The following LUC7L2 variants were observed in gnomAD, a reference collection of about 807,000 sequenced individuals.
The protein encoded by LUC7L2 is LUC7 like 2, pre-mRNA splicing factor.
In LUC7L2, 25 loss-of-function variants were observed where a neutral mutation model predicts 52.8. The observed-to-expected ratio is 0.47, with a 90% CI of 0.34 to 0.66. LUC7L2 has a LOEUF of 0.66. Among genes scored for constraint, LUC7L2 ranks in the 30% least tolerant of loss-of-function variants. LUC7L2 has a pLI of 0.01. For synonymous variants in LUC7L2, 144 were observed against 160.9 expected, an observed-to-expected ratio of 0.89 and a Z score of 0.80; for missense variants, 328 against 497.8, an observed-to-expected ratio of 0.66 and a Z score of 3.25.
At chr7:139,398,532 G>A (rs1300834505) in intron 2 of LUC7L2, 67 bp from the exon 3 acceptor site, 1 of 1,285,752 alleles carries the variant, frequency 7.8e-7, no homozygotes, top group Non-Finnish European at 1.1e-6. Flanking sequence ...GACAAGAACT[G>A]TGGTTGTTGA....
At chr7:139,377,448 C>T (rs944299790) in intron 2 of LUC7L2, among the ~76,000 whole-genome samples, 14 of 152,000 alleles carry the variant, frequency 9.2e-5, no homozygotes, top group Non-Finnish European at 1.3e-4. Context: ...AGCTGGAGTG[C>T]GGTGGCATGA....
chr7:139,421,480 T>C (rs975459159), intron 9 of LUC7L2, among the ~76,000 whole-genome samples: 2 of 152,256 alleles, frequency 1.3e-5, no homozygotes, highest in African/African-American at 4.8e-5. Flanking sequence ...ATGGAGAAGG[T>C]AGTAAACAGT....
intron 2 of LUC7L2, among the ~76,000 whole-genome samples, chr7:139,393,645 C>T (rs1794540788): frequency 6.6e-6 from 1 of 152,026 alleles, no homozygotes; most frequent in Admixed American, 6.6e-5. Context: ...TGGGGTTTCA[C>T]CGTGTTGCCC....
Position 139,375,948 on chromosome 7 carries a change from C to G in LUC7L2, c.62-114C>G, listed in dbSNP as rs529337817. 57 of 1,055,268 alleles carry G rather than the reference C, an allele frequency of 5.4e-5. No individual in the cohort carries two copies. In the South Asian group the frequency reaches 8.4e-4, roughly 16 times the overall value. 65.4% of individuals were successfully genotyped at this position (1,055,268 alleles called of 1,614,324 possible). ...TATATAAAAACTAATCCCTCTTGAGCTGATTTATAATGTGTGTATATAGCC... is the reference window on the plus strand; with the variant it reads ...TATATAAAAACTAATCCCTCTTGAGGTGATTTATAATGTGTGTATATAGCC... On this transcript the variant is annotated intron_variant, in intron 1 of 9. Transcript: ENST00000354926.
At chr7:139,397,361 A>G (rs1309344395) in intron 2 of LUC7L2, among the ~76,000 whole-genome samples, 2 of 152,166 alleles carry the variant, frequency 1.3e-5, no homozygotes, top group African/African-American at 2.4e-5. Context: ...GAACATTGCT[A>G]TTTTATTACA....
chr7:139,377,927 C>T (rs1723673217), intron 2 of LUC7L2, among the ~76,000 whole-genome samples: 1 of 150,660 alleles, frequency 6.6e-6, no homozygotes. Flanking sequence ...AAGAGTTTCT[C>T]CCACCTCAAC....
rs4028268 is a variant in LUC7L2 at position 139,386,404 on chromosome 7, A to ATTT, written c.156+10264_156+10266dup. Among the ~76,000 whole-genome samples, 434 of 131,510 alleles carry ATTT rather than the reference A, an allele frequency of 3.3e-3. 17 individuals are homozygous for ATTT. Among genetic ancestry groups the ATTT allele is most frequent in the Middle Eastern group, 0.025 (6 of 244 alleles). 86.3% of individuals were successfully genotyped at this position (131,510 alleles called of 152,430 possible). ...GAAATATTTTTCTCTGTCACTGGAA[A>ATTT]TTTTTTTTTTTTTTTTTTGAGATGG... On this transcript the variant is annotated intron_variant, in intron 2 of 9. Coordinates refer to ENST00000354926, the MANE Select transcript of LUC7L2 (RefSeq NM_016019.5).
intron 1 of LUC7L2, among the ~76,000 whole-genome samples, chr7:139,362,367 CT>C (rs1799931906): frequency 6.6e-6 from 1 of 151,924 alleles, no homozygotes; most frequent in South Asian, 2.1e-4. Flanking sequence ...TGATTCAGGA[CT>C]TTTAATAATT....
At chr7:139,376,193 A>G (rs1383835981) in intron 2 of LUC7L2, 37 bp downstream of exon 2, 2 of 1,581,940 alleles carry the variant, frequency 1.3e-6, no homozygotes, top group Admixed American at 1.7e-5. Context: ...GATTACTGAT[A>G]TGCTGCAGTA....
chr7:139,368,903 G>A (rs1191263186), intron 1 of LUC7L2, among the ~76,000 whole-genome samples: 1 of 151,962 alleles, frequency 6.6e-6, no homozygotes, highest in South Asian at 2.1e-4. Flanking sequence ...TAAGGCTCAC[G>A]TCTCCTTCAT....
chr7:139,366,855 C>T (rs1338931228), intron 1 of LUC7L2, among the ~76,000 whole-genome samples: 1 of 152,166 alleles, frequency 6.6e-6, no homozygotes, highest in Non-Finnish European at 1.5e-5. Flanking sequence ...ATATGGGCCC[C>T]AGCAATCCAT....
intron 8 of LUC7L2, 119 bp downstream of exon 8, chr7:139,412,699 A>T: frequency 8.3e-7 from 1 of 1,198,532 alleles, no homozygotes. Flanking sequence ...ACGGTGATGC[A>T]TGCTTGTAAT....
chr7:139,347,395 C>T (rs1299268569), intron 1 of LUC7L2, among the ~76,000 whole-genome samples: 2 of 152,120 alleles, frequency 1.3e-5, no homozygotes, highest in Admixed American at 1.3e-4. Context: ...CCAGACCAGC[C>T]TGACCAACAT....
intron 2 of LUC7L2, among the ~76,000 whole-genome samples, chr7:139,389,050 GA>G (rs1190732487): frequency 2.5e-5 from 3 of 118,106 alleles, no homozygotes; most frequent in Admixed American, 2.3e-4. Context: ...TTTTTTAAAT[GA>G]TTTTTTTTTT....
chr7:139,369,431 C>A (rs1363899594), intron 1 of LUC7L2, among the ~76,000 whole-genome samples: 1 of 152,080 alleles, frequency 6.6e-6, no homozygotes, highest in African/African-American at 2.4e-5. Flanking sequence ...ACATACCCCC[C>A]AAAACATGAT....
chr7:139,403,261 GT>G (rs1394127595), intron 4 of LUC7L2, among the ~76,000 whole-genome samples: 1 of 152,112 alleles, frequency 6.6e-6, no homozygotes, highest in Non-Finnish European at 1.5e-5. Flanking sequence ...TCCAGTGTAT[GT>G]TTATTTTTCT....
chr7:139,407,722 T>A (rs1335726116), intron 6 of LUC7L2, among the ~76,000 whole-genome samples: 1 of 152,208 alleles, frequency 6.6e-6, no homozygotes, highest in African/African-American at 2.4e-5. Flanking sequence ...AATATTAATT[T>A]GAAATATTTT....
rs4028268 is a variant in LUC7L2 at position 139,386,404 on chromosome 7, A to ATT, written c.156+10265_156+10266dup. Among the ~76,000 whole-genome samples the ATT allele has an allele frequency of 1.3e-4, 17 of 131,502 alleles. 2 individuals carry two copies. Among genetic ancestry groups the ATT allele is most frequent in the Middle Eastern group, 8.2e-3 (2 of 244 alleles). The allele number at this position is 131,502 out of a possible 152,430, so 86.3% of individuals were successfully genotyped here. On this transcript the variant is annotated intron_variant, in intron 2 of 9. Transcript: ENST00000354926. The stretch of plus-strand genomic sequence containing the variant: ...GAAATATTTTTCTCTGTCACTGGAA[A>ATT]TTTTTTTTTTTTTTTTTTGAGATGG...
intron 1 of LUC7L2, among the ~76,000 whole-genome samples, chr7:139,367,033 G>T (rs1218111139): frequency 6.6e-6 from 1 of 151,976 alleles, no homozygotes; most frequent in African/African-American, 2.4e-5. Context: ...GTGAAATGCA[G>T]TGGCCTGATC....
Sources: gnomAD v4.1 joint callset for allele counts (sites outside exome capture counted in the v4.1 genomes callset) on GRCh38, gnomAD v4.1.1 for gene constraint, MANE v1.5 for transcripts, NCBI Gene and HGNC (gene_info 2026-07-23, HGNC 2026-07-21) for gene names.